The following MLLT10 variants were observed in gnomAD, a reference collection of about 807,000 sequenced individuals.
MLLT10 encodes the protein MLLT10 histone lysine methyltransferase DOT1L cofactor, also known as protein AF-10.
Under a neutral mutation model 129.1 loss-of-function variants are expected in MLLT10, and 30 were observed. The observed-to-expected ratio is 0.23, with a 90% CI of 0.17 to 0.32. MLLT10 has a LOEUF of 0.32. MLLT10 is among the 10% of genes least tolerant of loss of function. The probability of loss-of-function intolerance (pLI) is 1.00; values close to 1 mark genes in which losing one functional copy is unlikely to be tolerated. For synonymous variants in MLLT10, 490 were observed against 446.4 expected, an observed-to-expected ratio of 1.10 and a Z score of -1.23; for missense variants, 1,119 against 1,268.3, an observed-to-expected ratio of 0.88 and a Z score of 1.79.
upstream of MLLT10, among the ~76,000 whole-genome samples, chr10:21,533,974 C>T (rs1198989841): frequency 3.3e-5 from 5 of 152,200 alleles, no homozygotes; most frequent in Middle Eastern, 3.4e-3. Flanking sequence ...CACACGCGGC[C>T]CGCGCCACCA....
intron 13 of MLLT10, among the ~76,000 whole-genome samples, chr10:21,697,207 C>G (rs1283561801): frequency 1.3e-5 from 2 of 151,854 alleles, no homozygotes; most frequent in Non-Finnish European, 2.9e-5. Flanking sequence ...TGGCTCATGC[C>G]TGTAATCCCA....
chr10:21,605,554 C>T (rs1031975893), intron 5 of MLLT10, among the ~76,000 whole-genome samples: 5 of 152,094 alleles, frequency 3.3e-5, no homozygotes, highest in African/African-American at 9.7e-5. Flanking sequence ...AAGTGATCCT[C>T]CCCGCTCAGC....
At chr10:21,699,569 G>T (rs1052848644) in intron 13 of MLLT10, among the ~76,000 whole-genome samples, 14 of 151,870 alleles carry the variant, frequency 9.2e-5, no homozygotes, top group Non-Finnish European at 2.9e-5. Flanking sequence ...TAGAAATGGG[G>T]TACAGTTCTA....
intron 13 of MLLT10, among the ~76,000 whole-genome samples, chr10:21,711,757 A>G (rs1358406839): frequency 6.6e-6 from 1 of 152,152 alleles, no homozygotes; most frequent in African/African-American, 2.4e-5. Context: ...CAAACAAACA[A>G]AAGATAGAAA....
chr10:21,620,716 G>A (rs995385048), intron 8 of MLLT10, among the ~76,000 whole-genome samples: 1 of 151,844 alleles, frequency 6.6e-6, no homozygotes, highest in African/African-American at 2.4e-5. Context: ...CTGAGGCGGA[G>A]TCTTGCTGTT....
intron 3 of MLLT10, among the ~76,000 whole-genome samples, chr10:21,566,774 A>C (rs74798033): frequency 6.7e-6 from 1 of 148,674 alleles, no homozygotes; most frequent in South Asian, 2.1e-4. Context: ...CTTTTTTTTT[A>C]GTTCATTGAT....
Position 21,603,010 on chromosome 10 carries a change from G to A in MLLT10, c.405+7570G>A, listed in dbSNP as rs572255204. ...GCCTCCCAAAGTGCTGGGATTACAG[G>A]CGTGAGCCACTGCGCCCGGCCTATC... is the stretch of plus-strand genomic sequence containing the variant. On this transcript the variant is annotated intron_variant, in intron 5 of 22. Coordinates refer to ENST00000307729, the MANE Select transcript of MLLT10 (RefSeq NM_001195626.3). Among the ~76,000 whole-genome samples, 306 of 151,812 alleles carry A rather than the reference G, an allele frequency of 2.0e-3. 1 individual carries two copies. Among genetic ancestry groups the A allele is most frequent in the African/African-American group, 7.0e-3 (288 of 41,400 alleles).
At chr10:21,638,005 C>T (rs1331492238) in intron 8 of MLLT10, among the ~76,000 whole-genome samples, 1 of 152,044 alleles carries the variant, frequency 6.6e-6, no homozygotes, top group East Asian at 1.9e-4. Flanking sequence ...TCCCTTTGTC[C>T]TTCTGGAATC....
chr10:21,550,357 T>A lies in MLLT10; in HGVS notation c.240+11445T>A, dbSNP rs2036800979. 2.0e-5 allele frequency among the ~76,000 whole-genome samples: 3 copies of A among 152,184 alleles called. No individual in the cohort carries two copies. In the South Asian group the frequency reaches 6.2e-4, roughly 31 times the overall value. On this transcript the variant is annotated intron_variant, in intron 3 of 22. Coordinates refer to ENST00000307729, the MANE Select transcript of MLLT10 (RefSeq NM_001195626.3). ...GTCCAGCACATGGTTTTCTAGAGTCTCTTCCTGTTATGACATGGATCCTTA... is the reference window on the plus strand; with the variant it reads ...GTCCAGCACATGGTTTTCTAGAGTCACTTCCTGTTATGACATGGATCCTTA...
chr10:21,621,850 G>A (rs1320651880), intron 8 of MLLT10, among the ~76,000 whole-genome samples: 1 of 152,122 alleles, frequency 6.6e-6, no homozygotes, highest in Non-Finnish European at 1.5e-5. Flanking sequence ...TTCTCTTTGT[G>A]TATTTAAAAA....
chr10:21,595,906 T>TA (rs1161754155), intron 5 of MLLT10, among the ~76,000 whole-genome samples: 3 of 151,266 alleles, frequency 2.0e-5, no homozygotes, highest in East Asian at 1.9e-4. Flanking sequence ...TTGTTGGCCT[T>TA]AAAAAAAAAG....
intron 14 of MLLT10, among the ~76,000 whole-genome samples, chr10:21,717,677 T>TCCTCCTCCTCCTCC (rs2056764151): frequency 5.1e-5 from 1 of 19,558 alleles, no homozygotes; most frequent in Non-Finnish European, 1.0e-4. Flanking sequence ...CCTCCTCCTC[T>TCCTCCTCCTCCTCC]TCCTCCTCCT....
chr10:21,621,057 T>G (rs1205103662), intron 8 of MLLT10, among the ~76,000 whole-genome samples: 17 of 151,398 alleles, frequency 1.1e-4, no homozygotes, highest in Non-Finnish European at 1.5e-5. Flanking sequence ...CAATCTCGGT[T>G]TACTGCAAGC....
chr10:21,709,767 C>T (rs576153500), intron 13 of MLLT10, among the ~76,000 whole-genome samples: 7 of 151,828 alleles, frequency 4.6e-5, no homozygotes, highest in South Asian at 4.2e-4. Context: ...TTTTTGGAGA[C>T]GGTCTTGTTC....
intron 13 of MLLT10, among the ~76,000 whole-genome samples, chr10:21,686,706 T>C (rs2053327681): frequency 6.6e-6 from 1 of 152,092 alleles, no homozygotes. Flanking sequence ...CTTGGGGCCG[T>C]GCATGGTGGC....
At chr10:21,689,665 T>A (rs935212505) in intron 13 of MLLT10, among the ~76,000 whole-genome samples, 16 of 145,068 alleles carry the variant, frequency 1.1e-4, no homozygotes, top group African/African-American at 2.0e-4. Context: ...ATATATATTT[T>A]TTTTTTCTTG....
chr10:21,661,638 T>C (rs533607243), intron 9 of MLLT10: 12 of 152,230 alleles, frequency 7.9e-5, no homozygotes, highest in Non-Finnish European at 1.3e-4. Context: ...TATTTACTTT[T>C]ATATGGAACG....
chr10:21,692,425 T>A (rs2053957175), intron 13 of MLLT10, among the ~76,000 whole-genome samples: 1 of 152,094 alleles, frequency 6.6e-6, no homozygotes, highest in Middle Eastern at 3.4e-3. Context: ...CCGCCTCAGC[T>A]TCCCAAATTG....
intron 3 of MLLT10, among the ~76,000 whole-genome samples, chr10:21,550,257 G>A (rs1465985188): frequency 6.6e-6 from 1 of 152,024 alleles, no homozygotes. Flanking sequence ...GTATCCCCTT[G>A]GATTTCTAGA....
Sources: gnomAD v4.1 joint callset for allele counts (sites outside exome capture counted in the v4.1 genomes callset) on GRCh38, gnomAD v4.1.1 for gene constraint, MANE v1.5 for transcripts, NCBI Gene and HGNC (gene_info 2026-07-23, HGNC 2026-07-21) for gene names.